Variants in UGGT2 observed in about 807,000 individuals in gnomAD.
The protein encoded by UGGT2 is UDP-glucose glycoprotein glucosyltransferase 2, also known as UDP-glucose:glycoprotein glucosyltransferase 2.
Under a neutral mutation model 192.1 loss-of-function variants are expected in UGGT2, and 180 were observed. The ratio of observed to expected loss-of-function variants is 0.94; its 90% confidence interval spans 0.83 to 1.06. The LOEUF (loss-of-function observed/expected upper bound fraction) is 1.06. Among genes scored for constraint, UGGT2 ranks in the 50% least tolerant of loss-of-function variants. The pLI, the probability that UGGT2 is intolerant of heterozygous loss-of-function variation, is 0.00. For missense variants in UGGT2, 1,849 were observed against 1,795.7 expected (o/e 1.03, Z -0.54); for synonymous variants, 580 against 591.0 (o/e 0.98, Z 0.27).
rs2050809291 is a variant in UGGT2, at chr13:95,972,620, T to C, written c.1144A>G (p.Asn382Asp). 1.9e-6 allele frequency: 3 copies of C among 1,613,848 alleles called. No individual in the cohort carries two copies. Among genetic ancestry groups the C allele is most frequent in the Non-Finnish European group, 2.5e-6 (3 of 1,179,858 alleles). ...IQPGDARLFI[N>D]GLRVDMDVYD... ...ACATCCATATCAACACGAAGGCCAT[T>C]TATAAATAGACGAGCATCGCCTGGC... is the stretch of plus-strand genomic sequence containing the variant. Residue 382 changes from asparagine (N) to aspartate (D), a missense_variant, in exon 11 of 39, where the codon AAT (asparagine) becomes GAT (aspartate). Coordinates refer to ENST00000376747, the MANE Select transcript of UGGT2 (RefSeq NM_020121.4).
intron 1 of UGGT2, among the ~76,000 whole-genome samples, chr13:96,050,714 A>C (rs1236955075): frequency 6.6e-6 from 1 of 152,256 alleles, no homozygotes; most frequent in East Asian, 1.9e-4. Flanking sequence ...TTATGCAACC[A>C]ACAGACACAT....
At chr13:96,019,307 C>T (rs1409243576) in intron 4 of UGGT2, among the ~76,000 whole-genome samples, 1 of 152,116 alleles carries the variant, frequency 6.6e-6, no homozygotes, top group Non-Finnish European at 1.5e-5. Context: ...ATGGGTTCCC[C>T]ATGGGCCCAC....
At position 95,860,804 on chromosome 13, in the gene UGGT2, A is replaced by G. The variant is rs372460259; in HGVS notation, c.3724T>C (p.Tyr1242His). Reference sequence around the variant, plus strand: ...TATACCTACCTTAAAAAACGTTCATATAAATGACCAGAAGCAACTGAAAAA... The same window carrying G: ...TATACCTACCTTAAAAAACGTTCATGTAAATGACCAGAAGCAACTGAAAAA... The part of the protein sequence containing the change: ...NIFSVASGHL[Y>H]ERFLRIMMLS... Residue 1242 changes from tyrosine to histidine, a missense_variant, in exon 32 of 39, where the codon TAT becomes CAT. Physicochemically the swap from Tyr to His is moderately conservative, Grantham distance 83. Transcript: ENST00000376747. 16 of 1,544,744 alleles carry G rather than the reference A, an allele frequency of 1.0e-5. No individual in the cohort carries two copies. In the African/African-American group the frequency reaches 2.1e-4, roughly 20 times the overall value.
chr13:95,834,646 T>C (rs1348777970), intron 37 of UGGT2, among the ~76,000 whole-genome samples: 1 of 152,212 alleles, frequency 6.6e-6, no homozygotes, highest in African/African-American at 2.4e-5. Flanking sequence ...CATTCTACTC[T>C]TAGTGTTTCT....
chr13:95,927,560 A>G (rs887166926), intron 17 of UGGT2, among the ~76,000 whole-genome samples: 4 of 151,532 alleles, frequency 2.6e-5, no homozygotes, highest in Non-Finnish European at 4.4e-5. Context: ...AACCAGAATC[A>G]TGGTAGTAAC....
chr13:95,905,264 G>A (rs1451911296), intron 20 of UGGT2, among the ~76,000 whole-genome samples: 2 of 148,006 alleles, frequency 1.4e-5, no homozygotes, highest in African/African-American at 4.9e-5. Flanking sequence ...CACTCTGATG[G>A]TAGTTTCTTT....
intron 38 of UGGT2, among the ~76,000 whole-genome samples, chr13:95,810,019 C>T (rs1220990831): frequency 2.0e-5 from 3 of 152,150 alleles, no homozygotes; most frequent in South Asian, 4.1e-4. Flanking sequence ...GCAGTGACAA[C>T]TTCACAAAAT....
chr13:95,835,884 TTAAAAA>T (rs1318579595), intron 37 of UGGT2, among the ~76,000 whole-genome samples: 2 of 152,336 alleles, frequency 1.3e-5, no homozygotes, highest in African/African-American at 4.8e-5. Flanking sequence ...AAATAATCTC[TTAAAAA>T]TAAGTAAGAA....
At chr13:96,011,038 A>T (rs1200925884) in intron 5 of UGGT2, among the ~76,000 whole-genome samples, 1 of 152,198 alleles carries the variant, frequency 6.6e-6, no homozygotes, top group Non-Finnish European at 1.5e-5. Context: ...ACAAATGTTA[A>T]AACAACTAGA....
At chr13:95,870,749 C>T (rs898047145) in intron 29 of UGGT2, among the ~76,000 whole-genome samples, 4 of 152,296 alleles carry the variant, frequency 2.6e-5, no homozygotes, top group South Asian at 2.1e-4. Context: ...CCATCTGCTA[C>T]GATTTGAATG....
chr13:95,965,038 G>C (rs1419076367), intron 12 of UGGT2, among the ~76,000 whole-genome samples: 2 of 150,622 alleles, frequency 1.3e-5, no homozygotes, highest in African/African-American at 4.9e-5. Context: ...AAACCACAAT[G>C]AGATACCATC....
At chr13:96,029,486 A>G (rs1004570623) in intron 2 of UGGT2, among the ~76,000 whole-genome samples, 22 of 151,966 alleles carry the variant, frequency 1.4e-4, no homozygotes, top group Admixed American at 6.6e-5. Flanking sequence ...GGGTCTCACA[A>G]TGTTGGCCAG....
chr13:96,027,134 T>C (rs949074846), intron 2 of UGGT2, among the ~76,000 whole-genome samples: 1 of 152,198 alleles, frequency 6.6e-6, no homozygotes, highest in Non-Finnish European at 1.5e-5. Context: ...AAAATACTTA[T>C]AGTTACAAGG....
chr13:95,802,188 C>G (rs1373814642), intron 38 of UGGT2, among the ~76,000 whole-genome samples: 2 of 152,110 alleles, frequency 1.3e-5, no homozygotes, highest in East Asian at 3.9e-4. Flanking sequence ...TGTAATGGAA[C>G]AACAGAAAGC....
chr13:95,872,162 T>G (rs1379921418), intron 29 of UGGT2, among the ~76,000 whole-genome samples: 1 of 152,202 alleles, frequency 6.6e-6, no homozygotes, highest in Non-Finnish European at 1.5e-5. Flanking sequence ...TGAGCAGCAT[T>G]TGTCTAATTT....
intron 5 of UGGT2, among the ~76,000 whole-genome samples, chr13:96,006,513 T>C (rs566023027): frequency 2.2e-3 from 325 of 149,894 alleles, no homozygotes; most frequent in Non-Finnish European, 3.9e-3. Flanking sequence ...TAATCCCAGC[T>C]ACTTGGGGGC....
intron 36 of UGGT2, among the ~76,000 whole-genome samples, chr13:95,843,059 G>A (rs1888031248): frequency 6.6e-6 from 1 of 152,200 alleles, no homozygotes; most frequent in Non-Finnish European, 1.5e-5. Context: ...TGGCTTTTAT[G>A]AATAATGCTA....
In UGGT2 at chr13:95,867,440, GT is replaced by G; in HGVS notation, c.3474-18del. On this transcript the variant is annotated intron_variant, in intron 29 of 38. Coordinates refer to ENST00000376747, the MANE Select transcript of UGGT2 (RefSeq NM_020121.4). ...CCTTCATGCCTAAAAGTAGAAAAAT[GT>G]GTCCATAATTAATTTAAGAATAGAC... The G allele has an allele frequency of 6.3e-7, 1 of 1,582,410 alleles. No homozygotes were observed. Among genetic ancestry groups the G allele is most frequent in the African/African-American group, 1.4e-5 (1 of 73,686 alleles).
chr13:96,039,807 AC>A (rs888789189), intron 1 of UGGT2, among the ~76,000 whole-genome samples: 2 of 152,204 alleles, frequency 1.3e-5, no homozygotes, highest in Non-Finnish European at 2.9e-5. Flanking sequence ...GTATTGTATC[AC>A]TACATAACAA....
Sources: gnomAD v4.1 joint callset for allele counts (sites outside exome capture counted in the v4.1 genomes callset) on GRCh38, gnomAD v4.1.1 for gene constraint, MANE v1.5 for transcripts, NCBI Gene and HGNC (gene_info 2026-07-23, HGNC 2026-07-21) for gene names.